FAM168B: variants seen among roughly 807,000 people sequenced by gnomAD.
FAM168B encodes family with sequence similarity 168 member B.
A neutral mutation model predicts 21.8 loss-of-function variants in FAM168B; 19 were observed. That is an observed-to-expected ratio of 0.87 (90% CI 0.61 to 1.28). The LOEUF (loss-of-function observed/expected upper bound fraction) is 1.28. Among genes scored for constraint, FAM168B ranks in the 50% most tolerant of loss-of-function variants. The pLI, the probability that FAM168B is intolerant of heterozygous loss-of-function variation, is 0.00. For missense variants in FAM168B, 233 were observed against 263.1 expected (o/e 0.89, Z 0.79); for synonymous variants, 126 against 104.8 (o/e 1.20, Z -1.24).
chr2:131,057,737 G>A (rs1375430607), intron 3 of FAM168B, among the ~76,000 whole-genome samples: 9 of 152,102 alleles, frequency 5.9e-5, no homozygotes, highest in Admixed American at 5.2e-4. Flanking sequence ...AAAGTAAGAC[G>A]CTGTCTCAGA....
chr2:131,076,968 C>A (rs1459564386), intron 2 of FAM168B, among the ~76,000 whole-genome samples: 1 of 152,006 alleles, frequency 6.6e-6, no homozygotes, highest in Non-Finnish European at 1.5e-5. Flanking sequence ...AATCGTCTCA[C>A]ACTGCTGATA....
intron 3 of FAM168B, among the ~76,000 whole-genome samples, chr2:131,065,210 C>T (rs942621086): frequency 1.3e-5 from 2 of 152,154 alleles, no homozygotes; most frequent in Non-Finnish European, 2.9e-5. Context: ...GCAAAAGCAG[C>T]TTTAAAGAGT....
chr2:131,048,992 A>C lies in FAM168B; in HGVS notation c.*3473T>G. On this transcript the variant is annotated 3_prime_UTR_variant, in exon 7 of 7. Transcript: ENST00000389915. ...TAACACTGTTCTCAAATGTTTAAAA[A>C]GGACAGGTGAAGTCTGGGTCTCCTT... The C allele has an allele frequency of 5.1e-6, 5 of 985,622 alleles. No individual in the cohort carries two copies. Among genetic ancestry groups the C allele is most frequent in the Non-Finnish European group, 4.8e-6 (4 of 829,944 alleles). 61.1% of individuals were successfully genotyped at this position (985,622 alleles called of 1,614,324 possible).
intron 3 of FAM168B, among the ~76,000 whole-genome samples, chr2:131,065,497 A>G (rs1692505583): frequency 6.6e-6 from 1 of 152,172 alleles, no homozygotes; most frequent in African/African-American, 2.4e-5. Flanking sequence ...GAGTTCAAAA[A>G]GAAAAGAAAC....
At chr2:131,054,471 G>C (rs1441647923) in intron 5 of FAM168B, among the ~76,000 whole-genome samples, 1 of 152,104 alleles carries the variant, frequency 6.6e-6, no homozygotes, top group African/African-American at 2.4e-5. Context: ...GATAAGTATG[G>C]GGAAAACCAA....
At chr2:131,062,855 G>A (rs897561054) in intron 3 of FAM168B, among the ~76,000 whole-genome samples, 2 of 152,208 alleles carry the variant, frequency 1.3e-5, no homozygotes, top group South Asian at 2.1e-4. Context: ...CAATGCATGG[G>A]ATGCTAAACT....
intron 3 of FAM168B, among the ~76,000 whole-genome samples, chr2:131,070,510 T>C (rs779703268): frequency 2.6e-5 from 4 of 152,180 alleles, no homozygotes; most frequent in Admixed American, 1.3e-4. Flanking sequence ...AAGTTAAATA[T>C]ACACTTGCCA....
In FAM168B at chr2:131,078,841, T is replaced by C. The variant is rs140739093; in HGVS notation, c.70+3736A>G. Among the ~76,000 whole-genome samples, 89 of 151,842 alleles carry C rather than the reference T, an allele frequency of 5.9e-4. No individual in the cohort carries two copies. In the East Asian group the frequency reaches 0.014, roughly 25 times the overall value. On this transcript the variant is annotated intron_variant, in intron 2 of 6. Transcript: ENST00000389915. The stretch of plus-strand genomic sequence containing the variant: ...ACAAAAATTAAAATTAAAAAATTAT[T>C]CAGGCATGGTAGCGCACACCTGTAG...
In FAM168B at chr2:131,088,199, T is replaced by A. The variant is rs116099425; in HGVS notation, c.-12+5015A>T. On this transcript the variant is annotated intron_variant, in intron 1 of 6. Transcript: ENST00000389915. ...AGGTAGAGGCTGCAGTGAGCTGAAA[T>A]CGCACCACTGCACTCCAGATGGGGC... 4.1e-3 allele frequency among the ~76,000 whole-genome samples: 628 copies of A among 152,024 alleles called. 4 individuals carry two copies. Among genetic ancestry groups the A allele is most frequent in the African/African-American group, 0.014 (570 of 41,440 alleles).
chr2:131,061,079 C>T (rs1382874253), intron 3 of FAM168B, among the ~76,000 whole-genome samples: 2 of 150,466 alleles, frequency 1.3e-5, no homozygotes, highest in Non-Finnish European at 3.0e-5. Context: ...TCTTGATCTC[C>T]TGACCTTGTG....
chr2:131,074,270 G>C (rs142731578), intron 2 of FAM168B, among the ~76,000 whole-genome samples: 1 of 151,864 alleles, frequency 6.6e-6, no homozygotes, highest in South Asian at 2.1e-4. Flanking sequence ...CTGGGATTTC[G>C]GGCACACGCC....
In FAM168B at chr2:131,083,270, C is replaced by T. The variant is rs912102267; in HGVS notation, c.-11-613G>A. Among the ~76,000 whole-genome samples the T allele has an allele frequency of 3.3e-5, 5 of 152,352 alleles. No individual in the cohort carries two copies. In the South Asian group the frequency reaches 8.3e-4, roughly 25 times the overall value. On this transcript the variant is annotated intron_variant, in intron 1 of 6. Coordinates refer to ENST00000389915, the MANE Select transcript of FAM168B (RefSeq NM_001009993.4). ...TCAGAACGCTAAGGCAGGAGAATCG[C>T]TTGAACCAGGTAGTCGGAGGTTGCA...
intron 1 of FAM168B, among the ~76,000 whole-genome samples, chr2:131,091,449 C>T (rs894837581): frequency 6.6e-6 from 1 of 151,828 alleles, no homozygotes; most frequent in Non-Finnish European, 1.5e-5. Flanking sequence ...AGTTCAAGAC[C>T]AGACTGGGCA....
chr2:131,065,270 A>G (rs1055926044), intron 3 of FAM168B, among the ~76,000 whole-genome samples: 7 of 152,182 alleles, frequency 4.6e-5, no homozygotes, highest in Non-Finnish European at 1.0e-4. Flanking sequence ...GGCTCCCACA[A>G]GGGAGCAGGC....
intron 5 of FAM168B, 111 bp downstream of exon 5, chr2:131,055,161 A>T (rs1162024945): frequency 1.8e-6 from 2 of 1,088,012 alleles, no homozygotes; most frequent in East Asian, 3.0e-5. Flanking sequence ...GTCCTTCCAC[A>T]CAACTACAGC....
Position 131,049,097 on chromosome 2 carries a change from T to C in FAM168B, c.*3368A>G, listed in dbSNP as rs1691485322. The C allele has an allele frequency of 3.0e-6, 3 of 985,360 alleles. No homozygotes were observed. Among genetic ancestry groups the C allele is most frequent in the Non-Finnish European group, 1.2e-6 (1 of 829,948 alleles). The allele number at this position is 985,360 out of a possible 1,614,324, so 61.0% of individuals were successfully genotyped here. On this transcript the variant is annotated 3_prime_UTR_variant, in exon 7 of 7. Coordinates refer to ENST00000389915, the MANE Select transcript of FAM168B (RefSeq NM_001009993.4). ...CACTCACTGGCACTCACAGGTGCCTTACATACCTTACGGGGGCCAACACTG... is the reference window on the plus strand; with the variant it reads ...CACTCACTGGCACTCACAGGTGCCTCACATACCTTACGGGGGCCAACACTG...
intron 1 of FAM168B, among the ~76,000 whole-genome samples, chr2:131,092,315 G>A (rs1480893718): frequency 1.3e-5 from 2 of 152,124 alleles, no homozygotes; most frequent in African/African-American, 4.8e-5. Context: ...AATTAGAATA[G>A]CCTTACACTG....
chr2:131,059,416 T>A (rs1380360219), intron 3 of FAM168B, among the ~76,000 whole-genome samples: 1 of 152,110 alleles, frequency 6.6e-6, no homozygotes, highest in East Asian at 1.9e-4. Context: ...CCCACCACCA[T>A]GCAGCAGCCA....
chr2:131,092,077 G>A (rs1573837574), intron 1 of FAM168B, among the ~76,000 whole-genome samples: 1 of 151,632 alleles, frequency 6.6e-6, no homozygotes, highest in South Asian at 2.1e-4. Flanking sequence ...CCGGGAGGCG[G>A]AGCTTGCAGT....
Sources: allele counts gnomAD v4.1 joint callset (sites outside exome capture counted in the v4.1 genomes callset), GRCh38; gene constraint gnomAD v4.1.1; transcripts MANE v1.5; gene names NCBI Gene and HGNC (gene_info 2026-07-23, HGNC 2026-07-21).